Variants in PLD5 observed in about 807,000 individuals in gnomAD.
PLD5 encodes the protein inactive phospholipase D5.
A neutral mutation model predicts 61.1 loss-of-function variants in PLD5; 36 were observed. The observed-to-expected ratio is 0.59, with a 90% confidence interval of 0.45 to 0.78. The LOEUF (loss-of-function observed/expected upper bound fraction) is 0.78, where lower values mean the gene tolerates loss of function less well. Ranked by LOEUF, PLD5 falls within the 30% of genes least tolerant of loss-of-function variation. PLD5 has a pLI of 0.00. For synonymous variants in PLD5, 243 were observed against 242.8 expected (o/e 1.00, Z -0.01); for missense variants, 515 against 644.4 (o/e 0.80, Z 2.17).
intron 1 of PLD5, among the ~76,000 whole-genome samples, chr1:242,521,219 C>T (rs945826031): frequency 2.6e-5 from 4 of 152,166 alleles, no homozygotes; most frequent in African/African-American, 4.8e-5. Flanking sequence ...TCTTAAGTGT[C>T]GACCATCCAG....
rs544767275 is a variant in PLD5 at position 242,148,811 on chromosome 1, T to C, written c.736-24146A>G. Among the ~76,000 whole-genome samples, 5 of 152,094 alleles carry C rather than the reference T, an allele frequency of 3.3e-5. No homozygotes were observed. In the South Asian group the frequency reaches 1.0e-3, roughly 32 times the overall value. On this transcript the variant is annotated intron_variant, in intron 5 of 9. Coordinates refer to ENST00000536534, the MANE Select transcript of PLD5 (RefSeq NM_001372062.1). ...CATTGATTTTTGTCTATAGAAACAC[T>C]GTATATAGAAAACATAACATTTCTA...
chr1:242,312,952 A>G (rs115868767), intron 2 of PLD5, among the ~76,000 whole-genome samples: 2,177 of 152,350 alleles, frequency 0.014, 24 homozygotes, highest in Non-Finnish European at 0.023. Context: ...TTCCTTGGGA[A>G]AACAAGGACC....
chr1:242,394,999 A>G (rs1207386441), intron 1 of PLD5, among the ~76,000 whole-genome samples: 1 of 105,272 alleles, frequency 9.5e-6, no homozygotes, highest in African/African-American at 3.8e-5. Flanking sequence ...ATATATATGT[A>G]TATATGAATA....
At chr1:242,327,562 G>T (rs1410108697) in intron 2 of PLD5, among the ~76,000 whole-genome samples, 1 of 152,060 alleles carries the variant, frequency 6.6e-6, no homozygotes, top group East Asian at 1.9e-4. Flanking sequence ...TCAAGATAGA[G>T]AATTTCAAAT....
At chr1:242,312,160 C>A (rs1676733221) in intron 2 of PLD5, among the ~76,000 whole-genome samples, 1 of 151,516 alleles carries the variant, frequency 6.6e-6, no homozygotes, top group East Asian at 1.9e-4. Context: ...GTTTTAAAGT[C>A]TTTGTCTAGT....
intron 5 of PLD5, among the ~76,000 whole-genome samples, chr1:242,189,727 C>T (rs947453460): frequency 1.3e-5 from 2 of 152,122 alleles, no homozygotes; most frequent in Admixed American, 6.6e-5. Context: ...ACTGGGTGGA[C>T]AAGCTGGGGA....
chr1:242,407,162 T>C (rs1291140198), intron 1 of PLD5, among the ~76,000 whole-genome samples: 1 of 152,134 alleles, frequency 6.6e-6, no homozygotes, highest in Non-Finnish European at 1.5e-5. Flanking sequence ...GATGGTTTTA[T>C]AAAGGGGAGT....
At chr1:242,522,765 C>T (rs1434240136) in intron 1 of PLD5, among the ~76,000 whole-genome samples, 1 of 152,198 alleles carries the variant, frequency 6.6e-6, no homozygotes, top group Admixed American at 6.5e-5. Context: ...GATACGTTGC[C>T]TTTCAAACAA....
chr1:242,348,996 G>A (rs2149221241), intron 1 of PLD5, among the ~76,000 whole-genome samples: 1 of 152,314 alleles, frequency 6.6e-6, no homozygotes, highest in South Asian at 2.1e-4. Flanking sequence ...GGAGCTTGCA[G>A]TGAGCCAAGA....
At chr1:242,240,339 C>T (rs1671916697) in intron 4 of PLD5, among the ~76,000 whole-genome samples, 1 of 152,202 alleles carries the variant, frequency 6.6e-6, no homozygotes, top group African/African-American at 2.4e-5. Context: ...TCCATCTCCA[C>T]TGCTCTCCCC....
chr1:242,292,710 C>A (rs1374106924), intron 2 of PLD5, among the ~76,000 whole-genome samples: 2 of 152,258 alleles, frequency 1.3e-5, no homozygotes, highest in East Asian at 1.9e-4. Context: ...ATGAAACCTG[C>A]AATTTTGTCT....
At chr1:242,176,204 A>T (rs1351267278) in intron 5 of PLD5, among the ~76,000 whole-genome samples, 7 of 152,218 alleles carry the variant, frequency 4.6e-5, no homozygotes, top group African/African-American at 1.7e-4. Context: ...AGCTACAGTA[A>T]CAAAAACAGC....
intron 5 of PLD5, among the ~76,000 whole-genome samples, chr1:242,150,772 A>C (rs1179372962): frequency 2.0e-5 from 3 of 151,682 alleles, no homozygotes. Flanking sequence ...TCTTTTATGT[A>C]TGTTTACACC....
At chr1:242,266,076 C>A (rs565230233) in intron 3 of PLD5, among the ~76,000 whole-genome samples, 15 of 152,252 alleles carry the variant, frequency 9.9e-5, no homozygotes, top group Admixed American at 3.3e-4. Context: ...AAAACAAAAT[C>A]AAAAATAAAA....
At chr1:242,489,500 G>C (rs1259216530) in intron 1 of PLD5, among the ~76,000 whole-genome samples, 1 of 152,058 alleles carries the variant, frequency 6.6e-6, no homozygotes, top group Non-Finnish European at 1.5e-5. Context: ...GGCAGCGAAA[G>C]AGGATGAGCT....
chr1:242,245,345 A>G (rs993740621), intron 4 of PLD5, among the ~76,000 whole-genome samples: 6 of 152,366 alleles, frequency 3.9e-5, no homozygotes, highest in Admixed American at 3.9e-4. Flanking sequence ...ACACAGAAGC[A>G]TAGACTTCAT....
chr1:242,477,553 G>A (rs952321037), intron 1 of PLD5, among the ~76,000 whole-genome samples: 2 of 152,182 alleles, frequency 1.3e-5, no homozygotes, highest in African/African-American at 2.4e-5. Flanking sequence ...CAGTTGAGGC[G>A]CAGGGGAGAG....
intron 1 of PLD5, among the ~76,000 whole-genome samples, chr1:242,496,361 G>A (rs1229921678): frequency 1.3e-5 from 2 of 152,200 alleles, no homozygotes; most frequent in African/African-American, 4.8e-5. Context: ...TTCAACTTCA[G>A]TAGGCACAGA....
intron 2 of PLD5, among the ~76,000 whole-genome samples, chr1:242,311,602 T>C (rs537241448): frequency 2.6e-5 from 4 of 152,352 alleles, no homozygotes; most frequent in Admixed American, 2.6e-4. Flanking sequence ...TACATGATAA[T>C]GTTATTGAGG....
Sources: allele counts gnomAD v4.1 joint callset (sites outside exome capture counted in the v4.1 genomes callset), GRCh38; gene constraint gnomAD v4.1.1; transcripts MANE v1.5; gene names NCBI Gene and HGNC (gene_info 2026-07-23, HGNC 2026-07-21).